OXR1: variants seen among roughly 807,000 people sequenced by gnomAD.
OXR1 encodes oxidation resistance 1, also known as oxidation resistance protein 1.
Under a neutral mutation model 104.6 loss-of-function variants are expected in OXR1, and 41 were observed. That is an observed-to-expected ratio of 0.39 (90% CI 0.31 to 0.51). OXR1 has a LOEUF of 0.51. Ranked by LOEUF, OXR1 falls within the 20% of genes least tolerant of loss-of-function variation. The pLI is 0.77. For synonymous variants in OXR1, 348 were observed against 348.4 expected (o/e 1.00, Z 0.01); for missense variants, 955 against 1,031.9 (o/e 0.93, Z 1.02).
chr8:106,623,272 T>TA (rs923693321), intron 3 of OXR1, among the ~76,000 whole-genome samples: 1 of 151,638 alleles, frequency 6.6e-6, no homozygotes, highest in Non-Finnish European at 1.5e-5. Context: ...TTTCTTTTTG[T>TA]AAAAAAAAGT....
At chr8:106,570,785 A>G (rs1817417261) in intron 3 of OXR1, among the ~76,000 whole-genome samples, 1 of 152,184 alleles carries the variant, frequency 6.6e-6, no homozygotes, top group African/African-American at 2.4e-5. Flanking sequence ...TAAATAGCCA[A>G]CATTCTACTG....
At chr8:106,486,021 AG>A (rs1378107297) in intron 2 of OXR1, among the ~76,000 whole-genome samples, 1 of 152,034 alleles carries the variant, frequency 6.6e-6, no homozygotes, top group African/African-American at 2.4e-5. Context: ...ATTAGACAGG[AG>A]GAGTAAGTTC....
intron 11 of OXR1, among the ~76,000 whole-genome samples, chr8:106,723,510 A>AAC (rs1363003902): frequency 1.2e-3 from 180 of 151,170 alleles, no homozygotes; most frequent in African/African-American, 4.3e-3. Flanking sequence ...AAAAAAAAAA[A>AAC]AAAATACAAA....
At chr8:106,706,282 A>T in intron 8 of OXR1, 100 bp from the exon 9 acceptor site, 1 of 750,582 alleles carries the variant, frequency 1.3e-6, no homozygotes. Context: ...TCCTTTTGTT[A>T]AAAAGTCTTT....
At chr8:106,284,578 T>C (rs1002942424) in intron 1 of OXR1, among the ~76,000 whole-genome samples, 5 of 152,176 alleles carry the variant, frequency 3.3e-5, no homozygotes, top group African/African-American at 1.2e-4. Flanking sequence ...AAGTCTTCTA[T>C]TTAAACATAA....
At chr8:106,648,085 T>A (rs1402232845) in intron 3 of OXR1, among the ~76,000 whole-genome samples, 1 of 152,228 alleles carries the variant, frequency 6.6e-6, no homozygotes, top group African/African-American at 2.4e-5. Context: ...TATTTTAAAA[T>A]GTAATGAACA....
chr8:106,693,491 G>A (rs1028584011), intron 7 of OXR1, among the ~76,000 whole-genome samples: 9 of 146,168 alleles, frequency 6.2e-5, no homozygotes, highest in South Asian at 2.2e-4. Context: ...GTGCAATGGC[G>A]TGATCTCGGC....
chr8:106,412,460 T>C (rs888130546), intron 2 of OXR1, among the ~76,000 whole-genome samples: 2 of 152,164 alleles, frequency 1.3e-5, no homozygotes, highest in African/African-American at 4.8e-5. Context: ...ATAATAACAG[T>C]GTGCCAACTT....
chr8:106,560,100 G>A (rs116903339), intron 3 of OXR1, among the ~76,000 whole-genome samples: 3,909 of 152,170 alleles, frequency 0.026, 76 homozygotes, highest in Non-Finnish European at 0.042. Flanking sequence ...TATGGAGAAA[G>A]CTAGAGGAAA....
At chr8:106,421,920 C>A (rs1333085812) in intron 2 of OXR1, among the ~76,000 whole-genome samples, 3 of 151,666 alleles carry the variant, frequency 2.0e-5, no homozygotes, top group African/African-American at 7.3e-5. Context: ...GCTAATTATA[C>A]CCCAGTGTTC....
chr8:106,338,108 A>C (rs912078266), intron 1 of OXR1, among the ~76,000 whole-genome samples: 7 of 152,170 alleles, frequency 4.6e-5, no homozygotes, highest in Non-Finnish European at 1.0e-4. Flanking sequence ...GGGCCCCAAC[A>C]AACCAGACCA....
At chr8:106,360,728 T>A (rs543315769) in intron 2 of OXR1, among the ~76,000 whole-genome samples, 2 of 152,222 alleles carry the variant, frequency 1.3e-5, no homozygotes, top group East Asian at 3.9e-4. Flanking sequence ...TCTTATTATA[T>A]TATTATTAAA....
At chr8:106,545,950 C>T (rs1368834509) in intron 3 of OXR1, among the ~76,000 whole-genome samples, 6 of 149,986 alleles carry the variant, frequency 4.0e-5, no homozygotes, top group African/African-American at 9.8e-5. Context: ...GAGCTGAGAT[C>T]GCACCACTGT....
At position 106,584,484 on chromosome 8, in the gene OXR1, GAA is replaced by G. The variant is rs1393777684; in HGVS notation, c.220+65348_220+65349del. 3.3e-5 allele frequency among the ~76,000 whole-genome samples: 5 copies of G among 152,118 alleles called. No individual in the cohort carries two copies. The East Asian group carries it at 7.7e-4, about 23-fold the overall frequency. ...GAAACTTCAGAAAACTTGTTTCAAA[GAA>G]AAGATTCTTAAATCATGAGGGAGAC... On this transcript the variant is annotated intron_variant, in intron 3 of 16. Transcript: ENST00000517566.
At chr8:106,497,198 AGAG>A (rs561019619) in intron 2 of OXR1, among the ~76,000 whole-genome samples, 116 of 152,342 alleles carry the variant, frequency 7.6e-4, no homozygotes, top group African/African-American at 2.6e-3. Flanking sequence ...GGGGCAGTTT[AGAG>A]GAGGATTTCA....
intron 3 of OXR1, among the ~76,000 whole-genome samples, chr8:106,547,674 G>A (rs1172993605): frequency 6.6e-6 from 1 of 151,874 alleles, no homozygotes; most frequent in Non-Finnish European, 1.5e-5. Context: ...TGTACATTTA[G>A]TAGAGACAAG....
chr8:106,620,482 A>C (rs562359585), intron 3 of OXR1, among the ~76,000 whole-genome samples: 1 of 152,262 alleles, frequency 6.6e-6, no homozygotes, highest in African/African-American at 2.4e-5. Context: ...TACGTGGCTT[A>C]TCTGTGGCCA....
intron 2 of OXR1, among the ~76,000 whole-genome samples, chr8:106,399,865 T>C (rs1817929954): frequency 6.6e-6 from 1 of 152,160 alleles, no homozygotes; most frequent in Non-Finnish European, 1.5e-5. Context: ...CCCTGAGTTT[T>C]GCTGTCTCTA....
rs1818303179 is a variant in OXR1, at chr8:106,407,956, G to A, written c.23+48320G>A. Among the ~76,000 whole-genome samples, 4 of 152,268 alleles carry A rather than the reference G, an allele frequency of 2.6e-5. No homozygotes were observed. In the South Asian group the frequency reaches 8.3e-4, roughly 32 times the overall value. ...CCACTACGTTTTGTGCTACCCATCAGTTACAGCCACAGTTCTCAACCAAGG... is the reference window on the plus strand; with the variant it reads ...CCACTACGTTTTGTGCTACCCATCAATTACAGCCACAGTTCTCAACCAAGG... On this transcript the variant is annotated intron_variant, in intron 2 of 16. Transcript: ENST00000517566.
Sources: allele counts gnomAD v4.1 joint callset (sites outside exome capture counted in the v4.1 genomes callset), GRCh38; gene constraint gnomAD v4.1.1; transcripts MANE v1.5; gene names NCBI Gene and HGNC (gene_info 2026-07-23, HGNC 2026-07-21).